EYS: variants seen among roughly 807,000 people sequenced by gnomAD.
EYS encodes protein eyes shut homolog.
Under a neutral mutation model 282.1 loss-of-function variants are expected in EYS, and 250 were observed. That is an observed-to-expected ratio of 0.89 (90% CI 0.80 to 0.98). The LOEUF (loss-of-function observed/expected upper bound fraction) is 0.98. Among genes scored for constraint, EYS ranks in the 50% least tolerant of loss-of-function variants. The probability of loss-of-function intolerance (pLI) is 0.00; values close to 1 mark genes in which losing one functional copy is unlikely to be tolerated. For missense variants in EYS, 4,016 were observed against 3,709.0 expected, an observed-to-expected ratio of 1.08 and a Z score of -2.15; for synonymous variants, 1,355 against 1,282.9, an observed-to-expected ratio of 1.06 and a Z score of -1.20.
chr6:64,701,554 A>G (rs1319031508), intron 22 of EYS, among the ~76,000 whole-genome samples: 1 of 152,090 alleles, frequency 6.6e-6, no homozygotes, highest in African/African-American at 2.4e-5. Flanking sequence ...ACCAAATTCA[A>G]AACATGTATA....
At chr6:65,583,858 T>C (rs1764949607) in intron 2 of EYS, among the ~76,000 whole-genome samples, 1 of 152,036 alleles carries the variant, frequency 6.6e-6, no homozygotes, top group African/African-American at 2.4e-5. Flanking sequence ...ATAGGGATAT[T>C]GACAGAATGT....
At chr6:65,113,906 G>A (rs939335987) in intron 12 of EYS, among the ~76,000 whole-genome samples, 6 of 152,070 alleles carry the variant, frequency 3.9e-5, no homozygotes, top group Admixed American at 2.0e-4. Context: ...CTCTTTGTAG[G>A]TGTGATTACA....
At chr6:64,022,888 C>G (rs1769258747) in intron 33 of EYS, among the ~76,000 whole-genome samples, 1 of 152,196 alleles carries the variant, frequency 6.6e-6, no homozygotes, top group Non-Finnish European at 1.5e-5. Context: ...GCAAAGACCA[C>G]CCTGTCTGTG....
intron 28 of EYS, among the ~76,000 whole-genome samples, chr6:64,389,095 C>G (rs1181852523): frequency 6.6e-6 from 1 of 152,094 alleles, no homozygotes; most frequent in African/African-American, 2.4e-5. Flanking sequence ...ATAAACAGAT[C>G]TTTCTCAATT....
chr6:64,678,170 A>AGTACTAGCTTTTGAGTATGT (rs1769760048), intron 22 of EYS, among the ~76,000 whole-genome samples: 1 of 152,030 alleles, frequency 6.6e-6, no homozygotes, highest in Non-Finnish European at 1.5e-5. Flanking sequence ...TGAGTATCAA[A>AGTACTAGCTTTTGAGTATGT]AAGAGTCTGG....
intron 35 of EYS, among the ~76,000 whole-genome samples, chr6:63,925,442 G>A (rs1211375041): frequency 6.6e-6 from 1 of 152,198 alleles, no homozygotes; most frequent in Non-Finnish European, 1.5e-5. Flanking sequence ...TTACTGGCCT[G>A]TATAAAATAG....
At chr6:64,439,709 TTAA>T (rs1433820474) in intron 26 of EYS, among the ~76,000 whole-genome samples, 1 of 151,884 alleles carries the variant, frequency 6.6e-6, no homozygotes, top group Non-Finnish European at 1.5e-5. Flanking sequence ...ATTAATATTG[TTAA>T]TAATTTAATT....
At chr6:64,134,925 G>A (rs78847189) in intron 31 of EYS, among the ~76,000 whole-genome samples, 2,534 of 152,192 alleles carry the variant, frequency 0.017, 72 homozygotes, top group African/African-American at 0.057. Context: ...ATGATGAGAT[G>A]CATTTTGTGT....
intron 24 of EYS, among the ~76,000 whole-genome samples, chr6:64,594,981 G>A (rs1284414612): frequency 2.6e-5 from 4 of 151,766 alleles, no homozygotes; most frequent in Non-Finnish European, 5.9e-5. Context: ...ACCAAAACTA[G>A]ACAAGAACAT....
At chr6:64,971,310 A>T (rs1307994710) in intron 14 of EYS, among the ~76,000 whole-genome samples, 3 of 144,968 alleles carry the variant, frequency 2.1e-5, no homozygotes, top group Non-Finnish European at 4.6e-5. Context: ...AAAAAAAAAA[A>T]GCCACAAAGG....
rs910596474 is a variant in EYS, at chr6:64,890,054, C to A, written c.2847-3212G>T. Among the ~76,000 whole-genome samples the A allele has an allele frequency of 1.6e-3, 240 of 150,310 alleles. 2 individuals carry two copies. Among genetic ancestry groups the A allele is most frequent in the Admixed American group, 3.1e-3 (47 of 15,012 alleles). On this transcript the variant is annotated intron_variant, in intron 18 of 42. Transcript: ENST00000503581. ...GTATAGGCCTATAAATGCCCCCCCC[C>A]CCCAAGGTGTGCCCATCTCTTATGG...
chr6:64,066,506 G>T lies in EYS; in HGVS notation c.6572-15C>A, dbSNP rs1168605903. The T allele has an allele frequency of 7.1e-7, 1 of 1,405,958 alleles. No individual in the cohort carries two copies. The highest frequency in any genetic ancestry group is 9.8e-7 in the Non-Finnish European group (1 of 1,024,442). The allele number at this position is 1,405,958 out of a possible 1,614,324, so 87.1% of individuals were successfully genotyped here. On this transcript the variant is annotated splice_polypyrimidine_tract_variant and intron_variant, in intron 32 of 42. Coordinates refer to ENST00000503581, the MANE Select transcript of EYS (RefSeq NM_001142800.2). The stretch of plus-strand genomic sequence containing the variant: ...ATTCCCATTACCTTTAAGAAAAAAA[G>T]AATATATTAGTAATTATTGTAGATT...
At chr6:63,928,310 A>G (rs1159308135) in intron 35 of EYS, among the ~76,000 whole-genome samples, 1 of 152,200 alleles carries the variant, frequency 6.6e-6, no homozygotes, top group African/African-American at 2.4e-5. Flanking sequence ...AAAAAAGTAC[A>G]TAATGCTATA....
chr6:65,153,667 G>T (rs1187695251), intron 12 of EYS, among the ~76,000 whole-genome samples: 3 of 151,532 alleles, frequency 2.0e-5, no homozygotes, highest in Non-Finnish European at 2.9e-5. Context: ...CTTGTTAACT[G>T]CATACTGACA....
intron 11 of EYS, among the ~76,000 whole-genome samples, chr6:65,296,856 G>A (rs1768681086): frequency 1.3e-5 from 2 of 151,624 alleles, no homozygotes; most frequent in Admixed American, 1.3e-4. Flanking sequence ...TGCAATTTAT[G>A]TAAATGTATT....
chr6:64,566,549 G>T (rs1041167564), intron 26 of EYS, among the ~76,000 whole-genome samples: 1 of 151,910 alleles, frequency 6.6e-6, no homozygotes, highest in Admixed American at 6.6e-5. Context: ...ACAGTGCAGG[G>T]GATATGTCCT....
Position 64,502,121 on chromosome 6 carries a change from A to G in EYS, c.5645-62769T>C, listed in dbSNP as rs115933079. Reference sequence around the variant, plus strand: ...TAATTATTACATTTGTGTTTCTTTTATATTTGGGTTAATGGCTCCCTTATA... The same window carrying G: ...TAATTATTACATTTGTGTTTCTTTTGTATTTGGGTTAATGGCTCCCTTATA... On this transcript the variant is annotated intron_variant, in intron 26 of 42. Coordinates refer to ENST00000503581, the MANE Select transcript of EYS (RefSeq NM_001142800.2). Among the ~76,000 whole-genome samples, 1,082 of 152,258 alleles carry G rather than the reference A, an allele frequency of 7.1e-3. 11 individuals are homozygous for G. The highest frequency in any genetic ancestry group is 0.024 in the African/African-American group (1,003 of 41,562).
chr6:65,258,818 G>C (rs1767540589), intron 12 of EYS, among the ~76,000 whole-genome samples: 1 of 151,952 alleles, frequency 6.6e-6, no homozygotes, highest in African/African-American at 2.4e-5. Flanking sequence ...AAATTTTCTG[G>C]TTTTTGACCA....
At chr6:63,782,616 T>C (rs1770259909) in intron 39 of EYS, among the ~76,000 whole-genome samples, 1 of 152,232 alleles carries the variant, frequency 6.6e-6, no homozygotes, top group Non-Finnish European at 1.5e-5. Context: ...TCATTTTTTA[T>C]TGCATCTATT....
Sources: gnomAD v4.1 joint callset for allele counts (sites outside exome capture counted in the v4.1 genomes callset) on GRCh38, gnomAD v4.1.1 for gene constraint, MANE v1.5 for transcripts, NCBI Gene and HGNC (gene_info 2026-07-23, HGNC 2026-07-21) for gene names.